Variants in CAPRIN1 observed in about 807,000 individuals in gnomAD.
CAPRIN1 encodes caprin-1.
A neutral mutation model predicts 100.9 loss-of-function variants in CAPRIN1; 29 were observed. The observed-to-expected ratio is 0.29, with a 90% confidence interval of 0.21 to 0.39. The LOEUF is 0.39. Ranked by LOEUF, CAPRIN1 falls within the 10% of genes least tolerant of loss-of-function variation. The pLI, the probability that CAPRIN1 is intolerant of heterozygous loss-of-function variation, is 1.00. For synonymous variants in CAPRIN1, 338 were observed against 307.5 expected, an observed-to-expected ratio of 1.10 and a Z score of -1.04; for missense variants, 795 against 876.7, an observed-to-expected ratio of 0.91 and a Z score of 1.18.
chr11:34,091,083 C>G (rs1228128859), intron 14 of CAPRIN1, among the ~76,000 whole-genome samples: 1 of 152,158 alleles, frequency 6.6e-6, no homozygotes, highest in Admixed American at 6.5e-5. Flanking sequence ...GATTCTTGAG[C>G]AAGCACCTTT....
At chr11:34,082,687 T>C (rs982879088) in intron 7 of CAPRIN1, 138 bp from the exon 8 acceptor site, 1 of 648,520 alleles carries the variant, frequency 1.5e-6, no homozygotes, top group Non-Finnish European at 2.7e-6. Flanking sequence ...AGTTTACATA[T>C]GGGTTTACTC....
intron 9 of CAPRIN1, among the ~76,000 whole-genome samples, chr11:34,085,753 G>A (rs1205948434): frequency 2.6e-5 from 4 of 152,080 alleles, no homozygotes; most frequent in Non-Finnish European, 4.4e-5. Context: ...GCAGTGAGTC[G>A]AGATCCCGCC....
At chr11:34,057,601 A>C (rs1289610739) in intron 2 of CAPRIN1, among the ~76,000 whole-genome samples, 3 of 152,170 alleles carry the variant, frequency 2.0e-5, no homozygotes, top group Non-Finnish European at 4.4e-5. Flanking sequence ...AAAAACTAAC[A>C]CTTTTCCTTT....
chr11:34,058,413 A>C (rs770097248), intron 2 of CAPRIN1, among the ~76,000 whole-genome samples: 1 of 152,254 alleles, frequency 6.6e-6, no homozygotes. Flanking sequence ...CTGGGATTAC[A>C]GGCGTGAGCC....
intron 18 of CAPRIN1, chr11:34,098,483 TTC>T: frequency 1.0e-6 from 1 of 985,344 alleles, no homozygotes; most frequent in Non-Finnish European, 1.2e-6. Flanking sequence ...TTCTAAATGG[TTC>T]TCTGATTTGA....
At position 34,079,724 on chromosome 11, in the gene CAPRIN1, C is replaced by G; in HGVS notation, c.785C>G (p.Ala262Gly). The G allele has an allele frequency of 6.2e-7, 1 of 1,614,122 alleles. No individual in the cohort carries two copies. Among genetic ancestry groups the G allele is most frequent in the Non-Finnish European group, 8.5e-7 (1 of 1,179,998 alleles). Reference sequence around the variant, plus strand: ...AATGGGCTGTGTGAGGAAGAAGAGGCAGCCTCAGCACCTGCAGTTGAAGAC... The same window carrying G: ...AATGGGCTGTGTGAGGAAGAAGAGGGAGCCTCAGCACCTGCAGTTGAAGAC... ...HQNGLCEEEE[A>G]ASAPAVEDQV... is the part of the protein sequence containing the mutation. The change falls in exon 7 of 19, where the codon GCA becomes GGA. Residue 262 changes from alanine to glycine, a missense_variant. Coordinates refer to ENST00000341394, the MANE Select transcript of CAPRIN1 (RefSeq NM_005898.5).
At chr11:34,090,108 G>C (rs956729269) in intron 12 of CAPRIN1, 71 bp from the exon 13 acceptor site, 1 of 841,468 alleles carries the variant, frequency 1.2e-6, no homozygotes, top group Non-Finnish European at 2.0e-6. Context: ...ATGCGTCTTA[G>C]AGGTAACTTG....
chr11:34,079,797 A>G (rs1394057707), intron 7 of CAPRIN1, 32 bp downstream of exon 7: 1 of 1,595,430 alleles, frequency 6.3e-7, no homozygotes, highest in Non-Finnish European at 8.5e-7. Context: ...ACTTTAGTTT[A>G]GGGTCCTGGT....
At chr11:34,056,821 A>G (rs1850461642) in intron 2 of CAPRIN1, among the ~76,000 whole-genome samples, 1 of 152,226 alleles carries the variant, frequency 6.6e-6, no homozygotes, top group South Asian at 2.1e-4. Context: ...GGTAGGTGAA[A>G]GATTAACTAA....
chr11:34,090,299 G>C lies in CAPRIN1; in HGVS notation c.1404+10G>C. 1 of 1,570,576 alleles carries C rather than the reference G, an allele frequency of 6.4e-7. No individual in the cohort carries two copies. Among genetic ancestry groups the C allele is most frequent in the Non-Finnish European group, 8.8e-7 (1 of 1,140,668 alleles). On this transcript the variant is annotated intron_variant, in intron 13 of 18. Coordinates refer to ENST00000341394, the MANE Select transcript of CAPRIN1 (RefSeq NM_005898.5). ...AATTGATCAGATTCAGGCAAGTTCT[G>C]TTACCGGGTCACATACATTTGATGA... is the stretch of plus-strand genomic sequence containing the variant.
intron 2 of CAPRIN1, among the ~76,000 whole-genome samples, chr11:34,063,881 G>A (rs73497050): frequency 0.1 from 15,526 of 151,950 alleles, 860 homozygotes; most frequent in African/African-American, 0.15. Context: ...GCTCACCGCT[G>A]CCTCACCCTC....
chr11:34,076,112 T>C (rs1850901696), intron 4 of CAPRIN1, 124 bp from the exon 5 acceptor site: 1 of 640,004 alleles, frequency 1.6e-6, no homozygotes, highest in Non-Finnish European at 2.7e-6. Context: ...AATCATCCTT[T>C]TGTGTATTGA....
rs1368122651 is a variant in CAPRIN1, at chr11:34,093,853, G to A, written c.1705+1797G>A. 2.5e-5 allele frequency among the ~76,000 whole-genome samples: 3 copies of A among 122,204 alleles called. No individual in the cohort carries two copies. In the South Asian group the frequency reaches 7.2e-4, roughly 29 times the overall value. The allele number at this position is 122,204 out of a possible 152,430, so 80.2% of individuals were successfully genotyped here. ...TCACCATATTGTCCAGGCTGGTCTC[G>A]AACACCAGTCACATACGCAGCAAGT... is the stretch of plus-strand genomic sequence containing the variant. On this transcript the variant is annotated intron_variant, in intron 15 of 18. Coordinates refer to ENST00000341394, the MANE Select transcript of CAPRIN1 (RefSeq NM_005898.5).
chr11:34,092,748 C>T (rs1390249569), intron 15 of CAPRIN1, among the ~76,000 whole-genome samples: 1 of 152,232 alleles, frequency 6.6e-6, no homozygotes, highest in Non-Finnish European at 1.5e-5. Flanking sequence ...AGAAAAAACT[C>T]ATGGTGGCTG....
At chr11:34,098,882 A>G in intron 18 of CAPRIN1, 6 of 994,998 alleles carry the variant, frequency 6.0e-6, no homozygotes, top group Non-Finnish European at 7.2e-6. Flanking sequence ...TGGTGCTTTT[A>G]TTAATTTTGA....
chr11:34,086,084 G>A lies in CAPRIN1; in HGVS notation c.987G>A (p.Gln329=), dbSNP rs1449597562. The A allele has an allele frequency of 1.9e-6, 3 of 1,613,726 alleles. No individual in the cohort carries two copies. In the African/African-American group the frequency reaches 4.0e-5, roughly 22 times the overall value. ...ETVEVVNSLQ[Q]QPQAASPSVP... Reference sequence around the variant, plus strand: ...CTTAGGTGGTAAATTCACTCCAGCAGCAACCTCAGGCTGCATCCCCTTCAG... The same window carrying A: ...CTTAGGTGGTAAATTCACTCCAGCAACAACCTCAGGCTGCATCCCCTTCAG... Residue 329 remains glutamine (Q), a synonymous_variant, in exon 10 of 19, where the codon CAG becomes CAA. Transcript: ENST00000341394.
chr11:34,079,658 T>C lies in CAPRIN1; in HGVS notation c.719T>C (p.Val240Ala), dbSNP rs1280273147. ...YKVLKEIVER[V>A]FQSNYFDSTH... The stretch of plus-strand genomic sequence containing the variant: ...GTTCTAAAGGAAATTGTTGAGCGTG[T>C]TTTTCAGTCAAACTACTTTGACAGC... Residue 240 changes from valine to alanine, a missense_variant, in exon 7 of 19, where the codon GTT becomes GCT. Physicochemically the swap from Val to Ala is moderately conservative, Grantham distance 64. This residue lies in a region of CAPRIN1 where 648 missense variants were observed against 697.9 expected (regional missense o/e 0.93). Transcript: ENST00000341394. 4 of 1,613,850 alleles carry C rather than the reference T, an allele frequency of 2.5e-6. No homozygotes were observed. Among genetic ancestry groups the C allele is most frequent in the African/African-American group, 1.3e-5 (1 of 75,020 alleles).
intron 2 of CAPRIN1, among the ~76,000 whole-genome samples, chr11:34,059,009 A>G (rs757745071): frequency 4.6e-5 from 7 of 152,224 alleles, no homozygotes; most frequent in Non-Finnish European, 7.3e-5. Flanking sequence ...GAGTAGCAGA[A>G]GAGAAATTCA....
chr11:34,099,037 A>G (rs1851413844), intron 18 of CAPRIN1: 3 of 1,345,156 alleles, frequency 2.2e-6, no homozygotes, highest in Non-Finnish European at 1.9e-6. Flanking sequence ...TAGGCACTCA[A>G]TAAATATTTG....
Sources: gnomAD v4.1 joint callset for allele counts (sites outside exome capture counted in the v4.1 genomes callset) on GRCh38, gnomAD v4.1.1 for gene constraint, gnomAD v4.1.1 regional missense constraint, MANE v1.5 for transcripts, NCBI Gene and HGNC (gene_info 2026-07-23, HGNC 2026-07-21) for gene names.